Variants in ARHGAP22 observed in about 807,000 individuals in gnomAD.
ARHGAP22 encodes the protein Rho GTPase activating protein 22, also known as rho GTPase-activating protein 22.
A neutral mutation model predicts 59.1 loss-of-function variants in ARHGAP22; 48 were observed. The observed-to-expected ratio is 0.81, with a 90% CI of 0.64 to 1.03. The LOEUF is 1.03. ARHGAP22 is among the 50% of genes least tolerant of loss of function. ARHGAP22 has a pLI of 0.00. For missense variants in ARHGAP22, 1,015 were observed against 958.7 expected (o/e 1.06, Z -0.78); for synonymous variants, 445 against 416.4 (o/e 1.07, Z -0.84).
chr10:48,431,610 A>G, the ARHGAP22 span, among the ~76,000 whole-genome samples: 1 of 152,220 alleles, frequency 6.6e-6, no homozygotes, highest in African/African-American at 2.4e-5. Flanking sequence ...ACTTTGGATA[A>G]ATAAAAGCTT....
At chr10:48,582,801 GA>G in intron 2 of ARHGAP22, 151 bp downstream of exon 2, 1 of 814,240 alleles carries the variant, frequency 1.2e-6, no homozygotes, top group South Asian at 1.8e-5. Context: ...GAACATGGGG[GA>G]TAAGAATGAA....
At chr10:48,456,319 T>C (rs2046502542) in intron 5 of ARHGAP22, among the ~76,000 whole-genome samples, 1 of 152,184 alleles carries the variant, frequency 6.6e-6, no homozygotes, top group Admixed American at 6.5e-5. Flanking sequence ...TGGGGTTCCA[T>C]GTATCCATAT....
At chr10:48,485,974 A>C (rs1464004541) in intron 3 of ARHGAP22, among the ~76,000 whole-genome samples, 1 of 152,152 alleles carries the variant, frequency 6.6e-6, no homozygotes, top group Non-Finnish European at 1.5e-5. Flanking sequence ...TGGGATGCTT[A>C]GATTTAAGTC....
upstream of ARHGAP22, among the ~76,000 whole-genome samples, chr10:48,605,303 T>C (rs1245652155): frequency 6.6e-6 from 1 of 151,672 alleles, no homozygotes. Flanking sequence ...CCGGGTGGGA[T>C]AGCGCTTTGG....
At chr10:48,477,095 C>T (rs982501323) in intron 4 of ARHGAP22, among the ~76,000 whole-genome samples, 3 of 152,208 alleles carry the variant, frequency 2.0e-5, no homozygotes, top group African/African-American at 7.2e-5. Context: ...AGCTAGAGAA[C>T]ATTTAAGATA....
chr10:48,439,057 C>G, the ARHGAP22 span: 44 of 152,000 alleles, frequency 2.9e-4, no homozygotes, highest in African/African-American at 1.0e-3. Context: ...TACAGTTTAT[C>G]CTGGTCAGCA....
intron 3 of ARHGAP22, chr10:48,493,621 TG>T (rs2134256034): frequency 6.9e-7 from 1 of 1,449,596 alleles, no homozygotes; most frequent in East Asian, 2.6e-5. Context: ...CTGTGTGCTC[TG>T]CCTGTGGGCA....
At chr10:48,492,796 C>A (rs930907992) in intron 3 of ARHGAP22, among the ~76,000 whole-genome samples, 1 of 152,064 alleles carries the variant, frequency 6.6e-6, no homozygotes, top group Non-Finnish European at 1.5e-5. Context: ...TCAGGTGATC[C>A]GCCCACCTCA....
intron 3 of ARHGAP22, among the ~76,000 whole-genome samples, chr10:48,522,205 G>A (rs750156005): frequency 2.6e-5 from 4 of 152,166 alleles, no homozygotes; most frequent in Non-Finnish European, 4.4e-5. Flanking sequence ...GCACCACAGC[G>A]CTCCCCACCC....
At chr10:48,432,507 A>G in the ARHGAP22 span, among the ~76,000 whole-genome samples, 1 of 152,300 alleles carries the variant, frequency 6.6e-6, no homozygotes, top group South Asian at 2.1e-4. Context: ...CAATTTACTT[A>G]TAACAAATTT....
chr10:48,452,137 G>T (rs1431061368), intron 8 of ARHGAP22, among the ~76,000 whole-genome samples: 1 of 152,182 alleles, frequency 6.6e-6, no homozygotes, highest in African/African-American at 2.4e-5. Flanking sequence ...CAGTCCTGGG[G>T]ACTCAGTTCC....
chr10:48,489,718 C>G (rs1457689266), intron 3 of ARHGAP22, among the ~76,000 whole-genome samples: 1 of 148,530 alleles, frequency 6.7e-6, no homozygotes, highest in Non-Finnish European at 1.5e-5. Flanking sequence ...TGACAGACTT[C>G]TGAGGCTGCC....
At chr10:48,571,681 G>C (rs1206987091) in intron 2 of ARHGAP22, among the ~76,000 whole-genome samples, 1 of 152,196 alleles carries the variant, frequency 6.6e-6, no homozygotes, top group Non-Finnish European at 1.5e-5. Flanking sequence ...ATAGTGATCT[G>C]TTATTTGCCA....
At chr10:48,558,657 C>T (rs920671240) in intron 2 of ARHGAP22, among the ~76,000 whole-genome samples, 3 of 152,150 alleles carry the variant, frequency 2.0e-5, no homozygotes, top group African/African-American at 7.2e-5. Flanking sequence ...GTGAGTCACA[C>T]CACCCAGCCT....
intron 1 of ARHGAP22, among the ~76,000 whole-genome samples, chr10:48,647,195 A>G (rs964493192): frequency 6.6e-6 from 1 of 152,172 alleles, no homozygotes; most frequent in African/African-American, 2.4e-5. Flanking sequence ...GGAGTTTGAG[A>G]CCAGCCTGGC....
chr10:48,490,765 G>A (rs934819174), intron 3 of ARHGAP22, among the ~76,000 whole-genome samples: 5 of 152,240 alleles, frequency 3.3e-5, no homozygotes, highest in South Asian at 4.1e-4. Context: ...CTCGTGCTGA[G>A]ACATCCAGAT....
chr10:48,636,701 A>G (rs757115676), intron 1 of ARHGAP22, among the ~76,000 whole-genome samples: 1 of 152,232 alleles, frequency 6.6e-6, no homozygotes, highest in Non-Finnish European at 1.5e-5. Context: ...CCATGGCTAT[A>G]GTCATCGCTA....
At chr10:48,466,185 G>A (rs1282330792) in intron 4 of ARHGAP22, among the ~76,000 whole-genome samples, 1 of 152,016 alleles carries the variant, frequency 6.6e-6, no homozygotes, top group African/African-American at 2.4e-5. Context: ...GCCCAGGTAG[G>A]CTTGGGGTCA....
At chr10:48,510,340 A>G (rs2052627019) in intron 3 of ARHGAP22, among the ~76,000 whole-genome samples, 1 of 152,254 alleles carries the variant, frequency 6.6e-6, no homozygotes, top group East Asian at 1.9e-4. Context: ...CCTAGGTGGG[A>G]CAACAGAGAG....
Sources: allele counts gnomAD v4.1 joint callset (sites outside exome capture counted in the v4.1 genomes callset), GRCh38; gene constraint gnomAD v4.1.1; transcripts MANE v1.5; gene names NCBI Gene and HGNC (gene_info 2026-07-23, HGNC 2026-07-21).